The following GRID2 variants were observed in gnomAD, a reference collection of about 807,000 sequenced individuals.
The protein encoded by GRID2 is glutamate ionotropic receptor delta type subunit 2, also known as glutamate receptor ionotropic, delta-2.
GRID2 carries 33 observed loss-of-function variants against 114.8 expected under a neutral mutation model. That is an observed-to-expected ratio of 0.29 (90% CI 0.22 to 0.38). The LOEUF (loss-of-function observed/expected upper bound fraction) is 0.38. Ranked by LOEUF, GRID2 falls within the 10% of genes least tolerant of loss-of-function variation. GRID2 has a pLI of 1.00. For synonymous variants in GRID2, 505 were observed against 449.9 expected (o/e 1.12, Z -1.55); for missense variants, 1,184 against 1,257.7 (o/e 0.94, Z 0.89).
At chr4:92,706,140 C>T (rs1000615786) in intron 2 of GRID2, among the ~76,000 whole-genome samples, 18 of 152,014 alleles carry the variant, frequency 1.2e-4, no homozygotes, top group East Asian at 5.8e-4. Flanking sequence ...GAGCATCATA[C>T]GTTTTAAGAC....
At chr4:92,442,993 C>G (rs1323728554) in intron 1 of GRID2, among the ~76,000 whole-genome samples, 2 of 152,008 alleles carry the variant, frequency 1.3e-5, no homozygotes, top group Non-Finnish European at 2.9e-5. Flanking sequence ...GAATTGGGAC[C>G]TAGCTCGGCC....
At chr4:92,415,742 A>C (rs60289877) in intron 1 of GRID2, among the ~76,000 whole-genome samples, 1 of 31,700 alleles carries the variant, frequency 3.2e-5, no homozygotes, top group Admixed American at 2.4e-4. Context: ...GTATGTGTGT[A>C]TATATATATA....
At chr4:93,117,981 G>A (rs76358771) in intron 4 of GRID2, among the ~76,000 whole-genome samples, 2,443 of 152,150 alleles carry the variant, frequency 0.016, 70 homozygotes, top group African/African-American at 0.056. Flanking sequence ...ATAGAACCTC[G>A]CTACTGTGAA....
At chr4:93,511,389 T>C (rs1393991574) in intron 12 of GRID2, among the ~76,000 whole-genome samples, 1 of 152,176 alleles carries the variant, frequency 6.6e-6, no homozygotes, top group African/African-American at 2.4e-5. Flanking sequence ...TACAAATAAC[T>C]AAATATAACT....
rs527925345 is a variant in GRID2 at position 92,729,932 on chromosome 4, A to G, written c.244+139646A>G. 2.8e-4 allele frequency among the ~76,000 whole-genome samples: 42 copies of G among 152,132 alleles called. No homozygotes were observed. In the Middle Eastern group the frequency reaches 0.01, roughly 37 times the overall value. ...CAACAAGAAAACAAAGCAAGCAAAG[A>G]GAAAGCCTCTTACTCTTAAGAGCTT... On this transcript the variant is annotated intron_variant, in intron 2 of 15. Coordinates refer to ENST00000282020, the MANE Select transcript of GRID2 (RefSeq NM_001510.4).
chr4:92,960,155 A>G (rs1752707860), intron 2 of GRID2, among the ~76,000 whole-genome samples: 1 of 151,924 alleles, frequency 6.6e-6, no homozygotes, highest in African/African-American at 2.4e-5. Context: ...ATTCTTTCAA[A>G]TTTGTTAAAA....
At chr4:92,774,268 A>G (rs913944019) in intron 2 of GRID2, among the ~76,000 whole-genome samples, 2 of 152,116 alleles carry the variant, frequency 1.3e-5, no homozygotes, top group East Asian at 1.9e-4. Flanking sequence ...TTCCAAGGAA[A>G]CAAAAAATCT....
chr4:93,623,393 TC>T (rs1468929607), intron 13 of GRID2, among the ~76,000 whole-genome samples: 2 of 152,196 alleles, frequency 1.3e-5, no homozygotes, highest in African/African-American at 4.8e-5. Context: ...TGTTTGGTTT[TC>T]TGTTCCTGTG....
At chr4:92,954,283 G>A (rs1021777893) in intron 2 of GRID2, among the ~76,000 whole-genome samples, 6 of 151,550 alleles carry the variant, frequency 4.0e-5, no homozygotes, top group African/African-American at 1.5e-4. Context: ...ACACAAATAT[G>A]CACACATCAA....
intron 13 of GRID2, among the ~76,000 whole-genome samples, chr4:93,566,660 C>T (rs1735452679): frequency 6.6e-6 from 1 of 152,016 alleles, no homozygotes; most frequent in African/African-American, 2.4e-5. Flanking sequence ...ATCCTAGCTA[C>T]TTGGGAGGCT....
chr4:92,959,908 G>C (rs1752683972), intron 2 of GRID2, among the ~76,000 whole-genome samples: 1 of 151,876 alleles, frequency 6.6e-6, no homozygotes, highest in African/African-American at 2.4e-5. Flanking sequence ...TAATGTAGAT[G>C]ATGGGTTGAT....
intron 8 of GRID2, among the ~76,000 whole-genome samples, chr4:93,284,214 A>G (rs1752918496): frequency 6.6e-6 from 1 of 152,118 alleles, no homozygotes; most frequent in Non-Finnish European, 1.5e-5. Context: ...GGAAATGAAA[A>G]CATAACAACA....
intron 1 of GRID2, among the ~76,000 whole-genome samples, chr4:92,460,415 C>T (rs556880285): frequency 1.8e-3 from 278 of 152,040 alleles, no homozygotes; most frequent in African/African-American, 2.4e-3. Flanking sequence ...TTCTCCCTTC[C>T]GAAATTTCAT....
intron 1 of GRID2, among the ~76,000 whole-genome samples, chr4:93,789,518 A>G (rs1040568272): frequency 6.6e-6 from 1 of 152,222 alleles, no homozygotes; most frequent in African/African-American, 2.4e-5. Context: ...TCAATTTTCC[A>G]ATCCAGCATA....
At chr4:92,373,441 C>T (rs1729208129) in intron 1 of GRID2, among the ~76,000 whole-genome samples, 2 of 152,314 alleles carry the variant, frequency 1.3e-5, no homozygotes, top group South Asian at 4.1e-4. Context: ...AGCCCAACTT[C>T]TAACAATGTT....
chr4:92,721,564 TA>T (rs1246274775), intron 2 of GRID2, among the ~76,000 whole-genome samples: 5 of 152,120 alleles, frequency 3.3e-5, no homozygotes, highest in Non-Finnish European at 5.9e-5. Flanking sequence ...AGAAAAGTAC[TA>T]AAAAGACAGT....
At chr4:92,781,794 G>A (rs1301684068) in intron 2 of GRID2, among the ~76,000 whole-genome samples, 1 of 151,772 alleles carries the variant, frequency 6.6e-6, no homozygotes, top group Non-Finnish European at 1.5e-5. Context: ...TATGCTACAA[G>A]GTCATTAATC....
intron 1 of GRID2, among the ~76,000 whole-genome samples, chr4:92,379,741 T>C (rs1328663687): frequency 6.6e-6 from 1 of 152,016 alleles, no homozygotes; most frequent in Non-Finnish European, 1.5e-5. Context: ...CCCATGATGC[T>C]GGTTTCTGTT....
intron 1 of GRID2, among the ~76,000 whole-genome samples, chr4:92,463,963 T>A (rs2149089961): frequency 6.6e-6 from 1 of 151,962 alleles, no homozygotes; most frequent in South Asian, 2.1e-4. Context: ...ATTTGCTCTT[T>A]TTCTCTACTT....
Sources: allele counts gnomAD v4.1 joint callset (sites outside exome capture counted in the v4.1 genomes callset), GRCh38; gene constraint gnomAD v4.1.1; transcripts MANE v1.5; gene names NCBI Gene and HGNC (gene_info 2026-07-23, HGNC 2026-07-21).